The following PDE4D variants were observed in gnomAD, a reference collection of about 807,000 sequenced individuals.
PDE4D encodes 3',5'-cyclic-AMP phosphodiesterase 4D.
PDE4D carries 24 observed loss-of-function variants against 87.4 expected under a neutral mutation model. The ratio of observed to expected loss-of-function variants is 0.27; its 90% confidence interval spans 0.20 to 0.39. The LOEUF is 0.39. Ranked by LOEUF, PDE4D falls within the 10% of genes least tolerant of loss-of-function variation. The pLI is 1.00. For synonymous variants in PDE4D, 384 were observed against 383.2 expected, an observed-to-expected ratio of 1.00 and a Z score of -0.02; for missense variants, 714 against 1,041.0, an observed-to-expected ratio of 0.69 and a Z score of 4.32.
At position 60,075,925 on chromosome 5, in the gene PDE4D, T is replaced by C. The variant is rs148677480; in HGVS notation, c.43-87208A>G. The stretch of plus-strand genomic sequence containing the variant: ...CAGCTTCTGTACTATTTTATTGTGA[T>C]TCCTAGCTTCCTCAGATTGGTTTCA... On this transcript the variant is annotated intron_variant, in intron 2 of 16. Coordinates refer to the PDE4D transcript ENST00000502484. Among the ~76,000 whole-genome samples, 770 of 152,298 alleles carry C rather than the reference T, an allele frequency of 5.1e-3. 3 individuals are homozygous for C. Among genetic ancestry groups the C allele is most frequent in the Non-Finnish European group, 8.7e-3 (590 of 68,016 alleles).
intron 1 of PDE4D, among the ~76,000 whole-genome samples, chr5:60,496,954 A>G (rs569968991): frequency 6.6e-6 from 1 of 152,328 alleles, no homozygotes; most frequent in African/African-American, 2.4e-5. Flanking sequence ...CATTTTATTG[A>G]CTATGCAGGA....
chr5:60,371,887 A>G (rs1171233403), intron 1 of PDE4D, among the ~76,000 whole-genome samples: 1 of 152,200 alleles, frequency 6.6e-6, no homozygotes, highest in Non-Finnish European at 1.5e-5. Context: ...TACACCAAAC[A>G]TTAGTGAGTT....
At chr5:60,355,292 T>C (rs1467231350) in intron 1 of PDE4D, among the ~76,000 whole-genome samples, 1 of 152,332 alleles carries the variant, frequency 6.6e-6, no homozygotes, top group East Asian at 1.9e-4. Context: ...TTGTTGCACA[T>C]TAGACTAGTA....
At chr5:59,291,698 T>C (rs1000974826) in intron 1 of PDE4D, among the ~76,000 whole-genome samples, 5 of 151,530 alleles carry the variant, frequency 3.3e-5, no homozygotes, top group Non-Finnish European at 5.9e-5. Flanking sequence ...ACACCTACTA[T>C]GTATGCACCA....
Position 59,893,321 on chromosome 5 carries a change from G to A in PDE4D, c.302C>T (p.Thr101Ile), listed in dbSNP as rs1442096481. ...ARGRYASSGA[T>I]GRVRHRGYSD... Reference sequence around the variant, plus strand: ...GTAGCCGCGATGCCGGACGCGGCCGGTGGCCCCGCTCGAGGCGTAGCGGCC... The same window carrying A: ...GTAGCCGCGATGCCGGACGCGGCCGATGGCCCCGCTCGAGGCGTAGCGGCC... The change falls in exon 1 of 15, where the codon ACC (threonine) becomes ATC (isoleucine). Residue 101 changes from threonine to isoleucine, a missense_variant. This residue lies in a region of PDE4D where 268 missense variants were observed against 272.9 expected (regional missense o/e 0.98). Transcript: ENST00000340635. 5 of 1,520,744 alleles carry A rather than the reference G, an allele frequency of 3.3e-6. No homozygotes were observed. The East Asian group carries it at 1.3e-4, about 40-fold the overall frequency. The allele number at this position is 1,520,744 out of a possible 1,614,324, so 94.2% of individuals were successfully genotyped here. A position where few individuals can be genotyped will look rare whatever the true frequency, so the allele number is the denominator to read the frequency against.
intron 3 of PDE4D, among the ~76,000 whole-genome samples, chr5:59,964,122 A>G (rs573143388): frequency 3.3e-4 from 51 of 152,324 alleles, no homozygotes; most frequent in African/African-American, 1.2e-3. Context: ...GCTTCAAAAG[A>G]GGAAAGGCCA....
At chr5:60,375,898 G>C (rs1400825360) in intron 1 of PDE4D, among the ~76,000 whole-genome samples, 1 of 152,172 alleles carries the variant, frequency 6.6e-6, no homozygotes, top group Non-Finnish European at 1.5e-5. Context: ...AATTAGCTGG[G>C]TGTGGTGGTA....
At chr5:60,148,671 G>C (rs1246440158) in intron 2 of PDE4D, among the ~76,000 whole-genome samples, 1 of 152,166 alleles carries the variant, frequency 6.6e-6, no homozygotes, top group Non-Finnish European at 1.5e-5. Context: ...GTCGTTAATA[G>C]TTAACCTTCA....
At chr5:59,224,526 A>C (rs983772045) in intron 1 of PDE4D, among the ~76,000 whole-genome samples, 2 of 152,206 alleles carry the variant, frequency 1.3e-5, no homozygotes, top group Admixed American at 6.5e-5. Flanking sequence ...CTTGCTTAGC[A>C]CACTTTTGAC....
chr5:60,289,380 G>A (rs956089703), intron 1 of PDE4D, among the ~76,000 whole-genome samples: 1 of 152,050 alleles, frequency 6.6e-6, no homozygotes, highest in Non-Finnish European at 1.5e-5. Flanking sequence ...AAAAAGTTCT[G>A]GAGTAAATTT....
intron 1 of PDE4D, chr5:59,529,252 T>TA: frequency 2.1e-6 from 1 of 468,934 alleles, no homozygotes; most frequent in Non-Finnish European, 4.3e-6. Flanking sequence ...CATCTCATAT[T>TA]AAGTCTGGCA....
chr5:60,172,123 T>TATA (rs1783507785), intron 2 of PDE4D, among the ~76,000 whole-genome samples: 2 of 147,158 alleles, frequency 1.4e-5, no homozygotes, highest in Non-Finnish European at 3.0e-5. Flanking sequence ...TTATATTATA[T>TATA]ATATAATATA....
At chr5:59,858,020 G>C (rs1745712433) in intron 1 of PDE4D, among the ~76,000 whole-genome samples, 1 of 151,878 alleles carries the variant, frequency 6.6e-6, no homozygotes, top group Non-Finnish European at 1.5e-5. Context: ...TAGCGAGGGA[G>C]GGAGGGAGTA....
intron 1 of PDE4D, among the ~76,000 whole-genome samples, chr5:59,833,333 C>T (rs575438454): frequency 1.3e-5 from 2 of 151,916 alleles, no homozygotes; most frequent in African/African-American, 4.8e-5. Flanking sequence ...GCACCAGCCC[C>T]CAGCAAGGAG....
chr5:60,047,347 T>C (rs1437973658), intron 2 of PDE4D, among the ~76,000 whole-genome samples: 1 of 152,088 alleles, frequency 6.6e-6, no homozygotes, highest in African/African-American at 2.4e-5. Context: ...TTTTGAAGGG[T>C]TTTTTGTGTC....
chr5:59,977,230 C>T (rs1022528686), intron 3 of PDE4D, among the ~76,000 whole-genome samples: 4 of 152,138 alleles, frequency 2.6e-5, no homozygotes, highest in Admixed American at 2.6e-4. Context: ...AAAGAAAAAG[C>T]TTTTGAAGGA....
chr5:59,803,306 CTT>C (rs71606604), intron 1 of PDE4D, among the ~76,000 whole-genome samples: 7 of 130,406 alleles, frequency 5.4e-5, no homozygotes, highest in Admixed American at 7.8e-5. Context: ...CTAGAAACTC[CTT>C]TTTTTTTTTT....
intron 5 of PDE4D, among the ~76,000 whole-genome samples, chr5:59,092,918 G>A (rs150966612): frequency 2.6e-5 from 4 of 152,020 alleles, no homozygotes; most frequent in East Asian, 1.9e-4. Context: ...CTCAGCTATC[G>A]TTCCCCTGGA....
At chr5:60,413,644 A>G (rs1480103844) in intron 1 of PDE4D, among the ~76,000 whole-genome samples, 2 of 152,188 alleles carry the variant, frequency 1.3e-5, no homozygotes, top group Non-Finnish European at 2.9e-5. Context: ...TATCCTTATA[A>G]ATTCAGAATG....
Sources: gnomAD v4.1 joint callset for allele counts (sites outside exome capture counted in the v4.1 genomes callset) on GRCh38, gnomAD v4.1.1 for gene constraint, gnomAD v4.1.1 regional missense constraint, MANE v1.5 for transcripts, NCBI Gene and HGNC (gene_info 2026-07-23, HGNC 2026-07-21) for gene names.